NUFIP2: variants seen among roughly 807,000 people sequenced by gnomAD.
NUFIP2 encodes nuclear FMR1 interacting protein 2.
NUFIP2 carries 6 observed loss-of-function variants against 56.9 expected under a neutral mutation model. The observed-to-expected ratio is 0.11, with a 90% CI of 0.06 to 0.21. The LOEUF (loss-of-function observed/expected upper bound fraction) is 0.21, where lower values mean the gene tolerates loss of function less well. Among genes scored for constraint, NUFIP2 ranks in the 10% least tolerant of loss-of-function variants. The pLI, the probability that NUFIP2 is intolerant of heterozygous loss-of-function variation, is 1.00. For missense variants in NUFIP2, 828 were observed against 826.8 expected (o/e 1.00, Z -0.02); for synonymous variants, 321 against 298.2 (o/e 1.08, Z -0.79).
In NUFIP2 at chr17:29,261,371, A is replaced by G. The variant is rs1414471852; in HGVS notation, c.*3168T>C. The G allele has an allele frequency of 2.0e-5, 3 of 151,636 alleles. No individual in the cohort carries two copies. Among genetic ancestry groups the G allele is most frequent in the Admixed American group, 6.6e-5 (1 of 15,232 alleles). The allele number at this position is 151,636 out of a possible 1,614,324, so 9.4% of individuals were successfully genotyped here. On this transcript the variant is annotated 3_prime_UTR_variant, in exon 4 of 4. Coordinates refer to ENST00000225388, the MANE Select transcript of NUFIP2 (RefSeq NM_020772.3). ...ATACACATTCATTTACTAATTTTTA[A>G]TATCTCCATCTTTTCCTCACACACA...
rs202024912 is a variant in NUFIP2, at chr17:29,287,728, G to GA, written c.278-13dup. On this transcript the variant is annotated splice_polypyrimidine_tract_variant and intron_variant, in intron 1 of 3. Transcript: ENST00000225388. The stretch of plus-strand genomic sequence containing the variant: ...TAGTTCACCATAGCCTAGGGGAGGG[G>GA]AAAAAAAGGATTAAAAAAAAAAATC... 3.2e-6 allele frequency: 5 copies of GA among 1,542,410 alleles called. No individual in the cohort carries two copies.
chr17:29,265,655 T>TAC (rs968264659), intron 3 of NUFIP2, among the ~76,000 whole-genome samples: 2 of 143,264 alleles, frequency 1.4e-5, no homozygotes, highest in East Asian at 2.0e-4. Flanking sequence ...ATTATATATA[T>TAC]ACACACACAT....
intron 1 of NUFIP2, among the ~76,000 whole-genome samples, chr17:29,288,718 G>A (rs1375978638): frequency 6.6e-6 from 1 of 152,194 alleles, no homozygotes; most frequent in African/African-American, 2.4e-5. Context: ...CTGGAAATCT[G>A]ACCGCCAGTC....
chr17:29,255,962 T>C lies in NUFIP2; in HGVS notation c.*8577A>G, dbSNP rs564163803. On this transcript the variant is annotated 3_prime_UTR_variant, in exon 4 of 4. Transcript: ENST00000225388. ...GGGTATGGTTGTAGAGTGTTTGTAA[T>C]TTATATTTTTAAAACACTGAACATG... 1 of 152,182 alleles carries C rather than the reference T, an allele frequency of 6.6e-6. No homozygotes were observed. Among genetic ancestry groups the C allele is most frequent in the Non-Finnish European group, 1.5e-5 (1 of 68,024 alleles). The allele number at this position is 152,182 out of a possible 1,614,324, so 9.4% of individuals were successfully genotyped here. A position where few individuals can be genotyped will look rare whatever the true frequency, so the allele number is the denominator to read the frequency against.
chr17:29,271,254 A>C (rs1039200784), intron 2 of NUFIP2, among the ~76,000 whole-genome samples: 2 of 152,114 alleles, frequency 1.3e-5, no homozygotes, highest in Non-Finnish European at 1.5e-5. Flanking sequence ...AAATCAGCAT[A>C]TTCCTGGTGC....
intron 1 of NUFIP2, among the ~76,000 whole-genome samples, chr17:29,292,309 C>T (rs2153013069): frequency 6.6e-6 from 1 of 152,230 alleles, no homozygotes; most frequent in Non-Finnish European, 1.5e-5. Flanking sequence ...CGCACTCTTC[C>T]CCATCCTAAC....
intron 2 of NUFIP2, 142 bp downstream of exon 2, chr17:29,285,845 ATTAGT>A (rs1318584996): frequency 6.6e-6 from 4 of 609,030 alleles, no homozygotes; most frequent in Non-Finnish European, 1.1e-5. Context: ...AGGACCCTGA[ATTAGT>A]TTGACACCAG....
chr17:29,290,035 C>T (rs1040791725), intron 1 of NUFIP2, among the ~76,000 whole-genome samples: 1 of 152,090 alleles, frequency 6.6e-6, no homozygotes, highest in Non-Finnish European at 1.5e-5. Context: ...CTGACTCAGC[C>T]TCCAGAGTAG....
At chr17:29,273,674 G>A (rs1397844071) in intron 2 of NUFIP2, among the ~76,000 whole-genome samples, 1 of 152,100 alleles carries the variant, frequency 6.6e-6, no homozygotes, top group Non-Finnish European at 1.5e-5. Flanking sequence ...TACCCAAGTA[G>A]GCAATTAGAC....
intron 1 of NUFIP2, among the ~76,000 whole-genome samples, chr17:29,288,067 G>A (rs528376606): frequency 3.3e-5 from 5 of 152,222 alleles, no homozygotes; most frequent in East Asian, 3.9e-4. Flanking sequence ...TTTTCAAGAC[G>A]GAGTCTCACT....
At chr17:29,271,230 T>G (rs890645682) in intron 2 of NUFIP2, among the ~76,000 whole-genome samples, 1 of 152,122 alleles carries the variant, frequency 6.6e-6, no homozygotes, top group Non-Finnish European at 1.5e-5. Flanking sequence ...AAGCCAAGCT[T>G]CTAGCAAAGA....
intron 2 of NUFIP2, among the ~76,000 whole-genome samples, chr17:29,278,168 T>C (rs967800165): frequency 6.6e-6 from 1 of 152,184 alleles, no homozygotes; most frequent in Non-Finnish European, 1.5e-5. Context: ...TCCAGACTAC[T>C]CCTAAATAGA....
At chr17:29,265,287 A>T (rs1200091707) in intron 3 of NUFIP2, among the ~76,000 whole-genome samples, 2 of 145,082 alleles carry the variant, frequency 1.4e-5, no homozygotes, top group South Asian at 4.4e-4. Flanking sequence ...TTTTATTTTT[A>T]TTTTTTTATT....
At chr17:29,272,916 G>A (rs532916763) in intron 2 of NUFIP2, among the ~76,000 whole-genome samples, 66 of 151,022 alleles carry the variant, frequency 4.4e-4, no homozygotes, top group African/African-American at 1.6e-3. Context: ...GCAGTGGTGC[G>A]ATCTCAGCTC....
At chr17:29,272,433 G>A (rs1342254829) in intron 2 of NUFIP2, among the ~76,000 whole-genome samples, 1 of 151,862 alleles carries the variant, frequency 6.6e-6, no homozygotes, top group Non-Finnish European at 1.5e-5. Flanking sequence ...GTAGAGACGG[G>A]GTTTCACCGT....
chr17:29,274,359 G>A (rs2069094690), intron 2 of NUFIP2, among the ~76,000 whole-genome samples: 1 of 152,114 alleles, frequency 6.6e-6, no homozygotes, highest in Admixed American at 6.5e-5. Context: ...TGTAGTCTCA[G>A]CTACTCAGGA....
At chr17:29,266,128 C>T (rs944703843) in intron 3 of NUFIP2, among the ~76,000 whole-genome samples, 5 of 152,166 alleles carry the variant, frequency 3.3e-5, no homozygotes, top group East Asian at 1.9e-4. Context: ...TGTGCCACCA[C>T]GCCTGGCTAA....
rs1205989446 is a variant in NUFIP2, at chr17:29,258,482, T to G, written c.*6057A>C. The G allele has an allele frequency of 1.3e-5, 2 of 152,218 alleles. No individual in the cohort carries two copies. Among genetic ancestry groups the G allele is most frequent in the African/African-American group, 4.8e-5 (2 of 41,458 alleles). 9.4% of individuals were successfully genotyped at this position (152,218 alleles called of 1,614,324 possible). ...CCAGCTTACATAGACAAATGTTTTC[T>G]AAAAGATCAGCAACAAATCAATGAC... is the stretch of plus-strand genomic sequence containing the variant. On this transcript the variant is annotated 3_prime_UTR_variant, in exon 4 of 4. Coordinates refer to ENST00000225388, the MANE Select transcript of NUFIP2 (RefSeq NM_020772.3).
In NUFIP2 at chr17:29,263,016, G is replaced by C. The variant is rs759867714; in HGVS notation, c.*1523C>G. ...TACTTTCTCCCCAAATACCCCAGGG[G>C]ATCCAGTCTACTTTTATCAGAAGAC... On this transcript the variant is annotated 3_prime_UTR_variant, in exon 4 of 4. Transcript: ENST00000225388. 7 of 152,544 alleles carry C rather than the reference G, an allele frequency of 4.6e-5. No individual in the cohort carries two copies. The highest frequency in any genetic ancestry group is 7.4e-5 in the Non-Finnish European group (5 of 68,012). The allele number at this position is 152,544 out of a possible 1,614,324, so 9.4% of individuals were successfully genotyped here.
Sources: gnomAD v4.1 joint callset for allele counts (sites outside exome capture counted in the v4.1 genomes callset) on GRCh38, gnomAD v4.1.1 for gene constraint, MANE v1.5 for transcripts, NCBI Gene and HGNC (gene_info 2026-07-23, HGNC 2026-07-21) for gene names.